The following SMG1 variants were observed in gnomAD, a reference collection of about 807,000 sequenced individuals.
SMG1 encodes the protein serine/threonine-protein kinase SMG1.
Under a neutral mutation model 419.9 loss-of-function variants are expected in SMG1, and 22 were observed. The observed-to-expected ratio is 0.05, with a 90% CI of 0.04 to 0.07. SMG1 has a LOEUF of 0.07. Ranked by LOEUF, SMG1 falls within the 10% of genes least tolerant of loss-of-function variation. The pLI, the probability that SMG1 is intolerant of heterozygous loss-of-function variation, is 1.00. For synonymous variants in SMG1, 1,538 were observed against 1,553.5 expected, an observed-to-expected ratio of 0.99 and a Z score of 0.23; for missense variants, 3,185 against 4,342.0, an observed-to-expected ratio of 0.73 and a Z score of 7.49.
At chr16:18,821,150 A>C (rs76404304) in intron 55 of SMG1, among the ~76,000 whole-genome samples, 262 of 152,010 alleles carry the variant, frequency 1.7e-3, no homozygotes, top group African/African-American at 6.2e-3. Context: ...TCTAATCATC[A>C]AAATTTCCTT....
At chr16:18,855,000 T>G in intron 29 of SMG1, 96 bp from the exon 30 acceptor site, 1 of 946,130 alleles carries the variant, frequency 1.1e-6, no homozygotes, top group Non-Finnish European at 1.5e-6. Context: ...ATCCCTCTTC[T>G]GCACCACCTC....
chr16:18,883,153 T>C (rs547511757), intron 9 of SMG1, among the ~76,000 whole-genome samples: 4 of 152,176 alleles, frequency 2.6e-5, no homozygotes, highest in East Asian at 1.9e-4. Flanking sequence ...AAAATGAGGC[T>C]AAAATCTTTA....
At chr16:18,842,497 A>T (rs2033981229) in intron 39 of SMG1, 43 bp from the exon 40 acceptor site, 1 of 1,579,740 alleles carries the variant, frequency 6.3e-7, no homozygotes, top group Non-Finnish European at 8.6e-7. Context: ...ATTACATTAG[A>T]ACACTTATTT....
intron 9 of SMG1, among the ~76,000 whole-genome samples, chr16:18,882,889 G>C (rs932790801): frequency 5.3e-5 from 8 of 152,286 alleles, no homozygotes; most frequent in African/African-American, 4.8e-5. Flanking sequence ...AAATTAAGCA[G>C]CAAAATAACA....
chr16:18,860,825 C>G (rs777154601), intron 25 of SMG1, 49 bp from the exon 26 acceptor site: 10 of 794,272 alleles, frequency 1.3e-5, no homozygotes, highest in East Asian at 7.8e-5. Flanking sequence ...GCCTGTGGAA[C>G]CATTAAAAAA....
At chr16:18,901,109 G>C (rs2037328710) in intron 1 of SMG1, among the ~76,000 whole-genome samples, 1 of 152,150 alleles carries the variant, frequency 6.6e-6, no homozygotes, top group South Asian at 2.1e-4. Flanking sequence ...AAATGAGTAT[G>C]CATCAGTTTT....
At chr16:18,818,751 TCC>T (rs2032245299) in intron 56 of SMG1, among the ~76,000 whole-genome samples, 2 of 138,892 alleles carry the variant, frequency 1.4e-5, no homozygotes, top group African/African-American at 5.0e-5. Context: ...GTTGAAAATG[TCC>T]GTAATAGTTT....
intron 1 of SMG1, among the ~76,000 whole-genome samples, chr16:18,909,681 C>T (rs2037716571): frequency 6.6e-6 from 1 of 152,198 alleles, no homozygotes; most frequent in South Asian, 2.1e-4. Flanking sequence ...AAGGAAGATG[C>T]CTTTCAAGAT....
At position 18,834,393 on chromosome 16, in the gene SMG1, C is replaced by T. The variant is rs764890366; in HGVS notation, c.8376G>A (p.Gln2792=). 6.2e-7 allele frequency: 1 copy of T among 1,613,866 alleles called. No homozygotes were observed. Among genetic ancestry groups the T allele is most frequent in the African/African-American group, 1.3e-5 (1 of 75,030 alleles). Residue 2792 remains glutamine, a synonymous_variant, in exon 50 of 63, where the codon CAG becomes CAA. Transcript: ENST00000446231. ...MEGAASSAGE[Q]LVDLTSRDGA... ...CATCCCGAGAAGTCAGATCAACCAG[C>T]TGTTCTCCAGCACTTGACGCTGCAC...
Position 18,868,596 on chromosome 16 carries a change from T to C in SMG1, c.2957A>G (p.Tyr986Cys). 1 of 1,595,182 alleles carries C rather than the reference T, an allele frequency of 6.3e-7. No individual in the cohort carries two copies. The highest frequency in any genetic ancestry group is 2.2e-5 in the East Asian group (1 of 44,878). ...CATTAATTTCTCCAGATTTTCCAGA[T>C]ACTGCAGAAGAAGAACAAGTCTAAG... The part of the protein sequence containing the change: ...NQLRLVLLLQ[Y>C]LENLEKLMYN... Residue 986 changes from tyrosine (Y) to cysteine (C), a missense_variant, in exon 21 of 63, where the codon TAT becomes TGT. By Grantham distance (194) the Tyr-to-Cys change is radical. Coordinates refer to ENST00000446231, the MANE Select transcript of SMG1 (RefSeq NM_015092.5).
chr16:18,834,783 G>T, intron 49 of SMG1, 109 bp downstream of exon 49: 1 of 1,192,380 alleles, frequency 8.4e-7, no homozygotes, highest in Non-Finnish European at 1.2e-6. Context: ...TGAAAAGCAA[G>T]TAAGCAGCTG....
chr16:18,854,781 A>G lies in SMG1; in HGVS notation c.4358T>C (p.Leu1453Pro), dbSNP rs774524106. The change falls in exon 30 of 63, where the codon CTG becomes CCG. Residue 1453 changes from leucine (L) to proline (P), a missense_variant. Transcript: ENST00000446231. ...RLLAQCSEVQLGKTTTAQDLV... is the reference protein window; with the variant it reads ...RLLAQCSEVQPGKTTTAQDLV... ...ATCCTGTGCAGTGGTGGTCTTTCCC[A>G]GCTGAACTTCACTGCACTGTGCCAG... 5.0e-6 allele frequency: 8 copies of G among 1,614,038 alleles called. No individual in the cohort carries two copies. In the East Asian group the frequency reaches 1.6e-4, roughly 31 times the overall value.
rs1414270880 is a variant in SMG1 at position 18,833,197 on chromosome 16, G to A, written c.8566-31C>T. 10 of 1,563,958 alleles carry A rather than the reference G, an allele frequency of 6.4e-6. No homozygotes were observed. In the East Asian group the frequency reaches 1.8e-4, roughly 29 times the overall value. On this transcript the variant is annotated intron_variant, in intron 50 of 62. Coordinates refer to ENST00000446231, the MANE Select transcript of SMG1 (RefSeq NM_015092.5). ...AATATATGAGAAAAAAACTTTTAAT[G>A]TTTTTTGAGTTTAGCTAAGTTACAC...
rs985067171 is a variant in SMG1, at chr16:18,812,253, T to A, written c.10622-126A>T. The A allele has an allele frequency of 8.0e-6, 7 of 871,988 alleles. No individual in the cohort carries two copies. In the African/African-American group the frequency reaches 1.2e-4, roughly 15 times the overall value. 54.0% of individuals were successfully genotyped at this position (871,988 alleles called of 1,614,324 possible). On this transcript the variant is annotated intron_variant, in intron 60 of 62. Coordinates refer to ENST00000446231, the MANE Select transcript of SMG1 (RefSeq NM_015092.5). ...TTAAATAATCAACTATAAATCCTTA[T>A]CCTTGGACACAGCAATTGTCTTCCT... is the stretch of plus-strand genomic sequence containing the variant.
chr16:18,842,119 ATAATCTCCTAC>A, intron 40 of SMG1, 78 bp downstream of exon 40: 3 of 1,390,960 alleles, frequency 2.2e-6, no homozygotes, highest in African/African-American at 1.5e-5. Context: ...TTCGCCTGAA[ATAATCTCCTAC>A]TATACACACC....
chr16:18,870,450 C>G, intron 18 of SMG1, among the ~76,000 whole-genome samples, 160 bp downstream of exon 18: 1 of 152,162 alleles, frequency 6.6e-6, no homozygotes, highest in Non-Finnish European at 1.5e-5. Flanking sequence ...TGCAGACCTG[C>G]AAAATTCGAT....
intron 4 of SMG1, 143 bp from the exon 5 acceptor site, chr16:18,891,064 A>G (rs548051032): frequency 6.3e-5 from 39 of 620,956 alleles, no homozygotes; most frequent in South Asian, 4.5e-4. Context: ...CCCAATGAGC[A>G]TGTATCAGGA....
Position 18,925,934 on chromosome 16 carries a change from C to A in SMG1, c.92+16G>T. 1 of 1,533,132 alleles carries A rather than the reference C, an allele frequency of 6.5e-7. No individual in the cohort carries two copies. 95.0% of individuals were successfully genotyped at this position (1,533,132 alleles called of 1,614,324 possible). A position where few individuals can be genotyped will look rare whatever the true frequency, so the allele number is the denominator to read the frequency against. On this transcript the variant is annotated intron_variant, in intron 1 of 62. Coordinates refer to ENST00000446231, the MANE Select transcript of SMG1 (RefSeq NM_015092.5). ...AGCCCGGGAGGTCGGGGCGGGGTCC[C>A]GGGCCGGTCACCCACCTGGGTTGCC...
intron 9 of SMG1, 57 bp from the exon 10 acceptor site, chr16:18,882,395 A>C: frequency 1.0e-6 from 1 of 995,440 alleles, no homozygotes; most frequent in Non-Finnish European, 1.4e-6. Context: ...AATAAAAAAA[A>C]AAAAAACTCT....
Sources: gnomAD v4.1 joint callset for allele counts (sites outside exome capture counted in the v4.1 genomes callset) on GRCh38, gnomAD v4.1.1 for gene constraint, MANE v1.5 for transcripts, NCBI Gene and HGNC (gene_info 2026-07-23, HGNC 2026-07-21) for gene names.